LCT: variants seen among roughly 807,000 people sequenced by gnomAD.
The protein encoded by LCT is lactase, also known as lactase/phlorizin hydrolase.
LCT carries 90 observed loss-of-function variants against 173.0 expected under a neutral mutation model. The ratio of observed to expected loss-of-function variants is 0.52; its 90% CI spans 0.44 to 0.62. The LOEUF is 0.62. Ranked by LOEUF, LCT falls within the 20% of genes least tolerant of loss-of-function variation. The pLI, the probability that LCT is intolerant of heterozygous loss-of-function variation, is 0.00. For synonymous variants in LCT, 853 were observed against 957.6 expected (o/e 0.89, Z 2.02); for missense variants, 1,864 against 2,431.4 (o/e 0.77, Z 4.91).
At chr2:135,800,891 C>T in intron 11 of LCT, 82 bp from the exon 12 acceptor site, 1 of 1,120,000 alleles carries the variant, frequency 8.9e-7, no homozygotes, top group Non-Finnish European at 1.3e-6. Context: ...TGCAGATGTC[C>T]CCTCTGTGTT....
intron 5 of LCT, among the ~76,000 whole-genome samples, chr2:135,819,752 C>A (rs1196727482): frequency 6.6e-6 from 1 of 152,180 alleles, no homozygotes; most frequent in Non-Finnish European, 1.5e-5. Context: ...GGATGTGTCG[C>A]GTCCCCTCGG....
At chr2:135,831,247 A>C (rs2077935501) in intron 2 of LCT, among the ~76,000 whole-genome samples, 1 of 152,206 alleles carries the variant, frequency 6.6e-6, no homozygotes, top group African/African-American at 2.4e-5. Context: ...TTACGTGTAC[A>C]TTAACAATGG....
rs3739022 is a variant in LCT at position 135,804,902 on chromosome 2, G to A, written c.4329C>T (p.Gly1443=). 194,920 of 1,613,826 alleles carry A rather than the reference G, an allele frequency of 0.12. 16,407 individuals carry two copies. Among genetic ancestry groups the A allele is most frequent in the Middle Eastern group, 0.33 (1,984 of 6,060 alleles). The change falls in exon 10 of 17, where the codon GGC becomes GGT. Residue 1443 remains glycine, a synonymous_variant. Transcript: ENST00000264162. The part of the protein sequence containing the change: ...AEDLVTLQNL[G]VSHYRFSISW... ...AGATGGAAAAACGGTAGTGGGACAC[G>A]CCCAGGTTCTGCAGGGTGACCAGAT...
intron 12 of LCT, among the ~76,000 whole-genome samples, chr2:135,800,253 TG>T (rs2077614511): frequency 6.6e-6 from 1 of 152,066 alleles, no homozygotes; most frequent in African/African-American, 2.4e-5. Context: ...TTTTGGGGGT[TG>T]GGGGTGGTCT....
At chr2:135,807,069 A>G in intron 9 of LCT, 59 bp downstream of exon 9, 1 of 1,585,272 alleles carries the variant, frequency 6.3e-7, no homozygotes, top group Non-Finnish European at 8.7e-7. Flanking sequence ...CACTGAGCCC[A>G]GAGCCTGGCA....
chr2:135,791,509 T>C (rs1474809647), intron 14 of LCT, among the ~76,000 whole-genome samples: 2 of 152,134 alleles, frequency 1.3e-5, no homozygotes, highest in Non-Finnish European at 1.5e-5. Context: ...TAGTCACATA[T>C]GTCAAATAAG....
rs2304370 is a variant in LCT, at chr2:135,804,165, G to A, written c.4465-37C>T. The A allele has an allele frequency of 0.18, 282,761 of 1,544,742 alleles. 31,965 individuals carry two copies. Among genetic ancestry groups the A allele is most frequent in the Middle Eastern group, 0.44 (2,085 of 4,784 alleles). On this transcript the variant is annotated intron_variant, in intron 10 of 16. Coordinates refer to ENST00000264162, the MANE Select transcript of LCT (RefSeq NM_002299.4). ...CCAGATCAGCTGTTGCATCAGTCAT[G>A]CTTTCCATGGGAAGCCCTAGGTTAG...
At position 135,817,715 on chromosome 2, in the gene LCT, C is replaced by T. The variant is rs1340454714; in HGVS notation, c.1333G>A (p.Gly445Ser). The T allele has an allele frequency of 3.7e-6, 6 of 1,613,996 alleles. No individual in the cohort carries two copies. Among genetic ancestry groups the T allele is most frequent in the Non-Finnish European group, 5.1e-6 (6 of 1,180,032 alleles). The change falls in exon 6 of 17, where the codon GGC (glycine) becomes AGC (serine). Residue 445 changes from glycine to serine, a missense_variant. By Grantham distance (56) the Gly-to-Ser change is moderately conservative. Coordinates refer to ENST00000264162, the MANE Select transcript of LCT (RefSeq NM_002299.4). ...AACTTGTACACCTGAGCCCGGAGGCCGCAAAGCAGGGCGACGTCAGAGGCT... is the reference window on the plus strand; with the variant it reads ...AACTTGTACACCTGAGCCCGGAGGCTGCAAAGCAGGGCGACGTCAGAGGCT... The part of the protein sequence containing the change: ...KVASDVALLC[G>S]LRAQVYKFSI...
chr2:135,829,882 T>C (rs1163800731), intron 2 of LCT, among the ~76,000 whole-genome samples: 6 of 149,654 alleles, frequency 4.0e-5, no homozygotes. Flanking sequence ...CCTGTGCCTG[T>C]ATGTTGTTGG....
At chr2:135,795,469 A>G (rs1171410705) in intron 13 of LCT, among the ~76,000 whole-genome samples, 2 of 151,934 alleles carry the variant, frequency 1.3e-5, no homozygotes, top group Non-Finnish European at 2.9e-5. Context: ...TCAGCCTCCT[A>G]AAGTGTTGGG....
Position 135,790,977 on chromosome 2 carries a change from T to A in LCT, c.5112-96A>T. ...AACAGGACTTAGACCAGGAAAAGCCTTAGGTTTTGTCTAGCCTTAAGAATC... is the reference window on the plus strand; with the variant it reads ...AACAGGACTTAGACCAGGAAAAGCCATAGGTTTTGTCTAGCCTTAAGAATC... On this transcript the variant is annotated intron_variant, in intron 14 of 16. Coordinates refer to ENST00000264162, the MANE Select transcript of LCT (RefSeq NM_002299.4). This position sits in a 1 kb window ranked among gnomAD's most constrained non-coding sequence, Gnocchi z 4.1. 3 of 923,288 alleles carry A rather than the reference T, an allele frequency of 3.2e-6. No homozygotes were observed. Among genetic ancestry groups the A allele is most frequent in the Non-Finnish European group, 5.3e-6 (3 of 568,338 alleles). The allele number at this position is 923,288 out of a possible 1,614,324, so 57.2% of individuals were successfully genotyped here.
chr2:135,809,713 G>T lies in LCT; in HGVS notation c.2634C>A (p.Ser878=), dbSNP rs1237511940. 6.2e-7 allele frequency: 1 copy of T among 1,614,256 alleles called. No individual in the cohort carries two copies. The highest frequency in any genetic ancestry group is 2.2e-5 in the East Asian group (1 of 44,886). The part of the protein sequence containing the change: ...RAFTFPSEVP[S]KAKVVWEKFS... ...ACTTTTCCCAAACGACTTTAGCCTT[G>T]GAGGGCACCTCAGATGGAAAAGTGA... Residue 878 remains serine, a synonymous_variant, in exon 8 of 17, where the codon TCC becomes TCA. Coordinates refer to ENST00000264162, the MANE Select transcript of LCT (RefSeq NM_002299.4). This position sits in a 1 kb window ranked among gnomAD's most constrained non-coding sequence, Gnocchi z 5.5.
At chr2:135,833,237 G>C (rs759976653) in intron 1 of LCT, 47 bp from the exon 2 acceptor site, 1 of 1,388,748 alleles carries the variant, frequency 7.2e-7, no homozygotes, top group South Asian at 1.2e-5. Flanking sequence ...AGGGCAGGAG[G>C]CTCTGACTGT....
intron 9 of LCT, among the ~76,000 whole-genome samples, chr2:135,805,791 C>A (rs1006500975): frequency 5.3e-5 from 8 of 152,172 alleles, no homozygotes; most frequent in African/African-American, 1.9e-4. Context: ...TAGTGCTTTG[C>A]AGCCATCATA....
In LCT at chr2:135,812,026, C is replaced by T. The variant is rs185744974; in HGVS notation, c.2353+285G>A. On this transcript the variant is annotated intron_variant, in intron 7 of 16. Coordinates refer to ENST00000264162, the MANE Select transcript of LCT (RefSeq NM_002299.4). The stretch of plus-strand genomic sequence containing the variant: ...CTTAGGACTTTGAGGCTGCAGTGAG[C>T]GATGTTTATGCCACCGCACTCCAGC... Among the ~76,000 whole-genome samples the T allele has an allele frequency of 2.3e-3, 348 of 152,162 alleles. 1 individual carries two copies. Among genetic ancestry groups the T allele is most frequent in the African/African-American group, 7.9e-3 (326 of 41,504 alleles).
In LCT at chr2:135,812,903, G is replaced by A. The variant is rs1229584555; in HGVS notation, c.1761C>T (p.Ser587=). 1 of 1,614,072 alleles carries A rather than the reference G, an allele frequency of 6.2e-7. No individual in the cohort carries two copies. Among genetic ancestry groups the A allele is most frequent in the Admixed American group, 1.7e-5 (1 of 59,984 alleles). The part of the protein sequence containing the change: ...AHARTWHHYN[S]HHRPQQQGHV... ...GCCCCTGCTGCTGTGGGCGATGATG[G>A]CTGTTGTAGTGGTGCCAAGTTCTGG... The change falls in exon 7 of 17, where the codon AGC becomes AGT. Residue 587 remains serine, a synonymous_variant. Transcript: ENST00000264162.
At chr2:135,797,753 G>A (rs933166861) in intron 13 of LCT, among the ~76,000 whole-genome samples, 1 of 152,198 alleles carries the variant, frequency 6.6e-6, no homozygotes, top group African/African-American at 2.4e-5. Flanking sequence ...AATAGGATAG[G>A]ATGAGCTGGG....
At chr2:135,814,412 T>A (rs4954445) in intron 6 of LCT, among the ~76,000 whole-genome samples, 24,600 of 152,084 alleles carry the variant, frequency 0.16, 2,422 homozygotes, top group South Asian at 0.33. Context: ...AAAGTGCTAA[T>A]GACATGATAT....
chr2:135,822,409 C>T, intron 4 of LCT: 1 of 367,454 alleles, frequency 2.7e-6, no homozygotes, highest in Non-Finnish European at 5.1e-6. Flanking sequence ...CAAGAATATG[C>T]ATTTCTAATG....
Sources: gnomAD v4.1 joint callset for allele counts (sites outside exome capture counted in the v4.1 genomes callset) on GRCh38, gnomAD v4.1.1 for gene constraint, Gnocchi (gnomAD v3.1) non-coding constraint, MANE v1.5 for transcripts, NCBI Gene and HGNC (gene_info 2026-07-23, HGNC 2026-07-21) for gene names.